Variants in LANCL2 observed in about 807,000 individuals in gnomAD.
LANCL2 encodes LanC like glutathione S-transferase 2, also known as lanC-like protein 2.
LANCL2 carries 33 observed loss-of-function variants against 56.9 expected under a neutral mutation model. That is an observed-to-expected ratio of 0.58 (90% CI 0.44 to 0.78). The LOEUF (loss-of-function observed/expected upper bound fraction) is 0.78, where lower values mean the gene tolerates loss of function less well. Ranked by LOEUF, LANCL2 falls within the 30% of genes least tolerant of loss-of-function variation. LANCL2 has a pLI of 0.00. For missense variants in LANCL2, 562 were observed against 580.2 expected (o/e 0.97, Z 0.32); for synonymous variants, 233 against 228.2 (o/e 1.02, Z -0.19).
At chr7:55,389,914 G>C (rs1016366846) in intron 1 of LANCL2, among the ~76,000 whole-genome samples, 1 of 152,132 alleles carries the variant, frequency 6.6e-6, no homozygotes, top group Non-Finnish European at 1.5e-5. Flanking sequence ...AGTTTTACAA[G>C]TCAGAAATGT....
At chr7:55,368,223 T>C (rs966910728) in intron 1 of LANCL2, among the ~76,000 whole-genome samples, 1 of 152,234 alleles carries the variant, frequency 6.6e-6, no homozygotes, top group African/African-American at 2.4e-5. Context: ...GTTTTGAAAT[T>C]GGGTATTTTT....
At chr7:55,391,752 A>G (rs1790193147) in intron 1 of LANCL2, 41 bp from the exon 2 acceptor site, 1 of 1,070,098 alleles carries the variant, frequency 9.3e-7, no homozygotes, top group Non-Finnish European at 1.5e-6. Flanking sequence ...ACATTGTCCC[A>G]TTCTTGTGAA....
intron 2 of LANCL2, among the ~76,000 whole-genome samples, chr7:55,396,199 A>C (rs533981623): frequency 6.6e-6 from 1 of 151,964 alleles, no homozygotes. Context: ...GGACCCAGTC[A>C]TAGGGGGCTC....
intron 2 of LANCL2, among the ~76,000 whole-genome samples, chr7:55,396,690 A>G (rs1790257401): frequency 6.8e-6 from 1 of 146,318 alleles, no homozygotes; most frequent in South Asian, 2.2e-4. Flanking sequence ...GCCAACAAAA[A>G]ACGACAAAGC....
At chr7:55,390,332 G>GC (rs1562860602) in intron 1 of LANCL2, among the ~76,000 whole-genome samples, 1 of 152,176 alleles carries the variant, frequency 6.6e-6, no homozygotes, top group Non-Finnish European at 1.5e-5. Flanking sequence ...TGGGCCAGGT[G>GC]CAGTGGCTCA....
At chr7:55,367,823 T>C (rs1789892700) in intron 1 of LANCL2, among the ~76,000 whole-genome samples, 1 of 152,250 alleles carries the variant, frequency 6.6e-6, no homozygotes, top group African/African-American at 2.4e-5. Flanking sequence ...AACTGCCTGA[T>C]GTGGTACCTT....
At chr7:55,420,793 A>G (rs1174929748) in intron 6 of LANCL2, among the ~76,000 whole-genome samples, 3 of 152,190 alleles carry the variant, frequency 2.0e-5, no homozygotes, top group African/African-American at 7.2e-5. Flanking sequence ...ACCCTCACAG[A>G]TTTGCCTTAC....
intron 6 of LANCL2, among the ~76,000 whole-genome samples, chr7:55,420,920 C>G (rs114398887): frequency 0.012 from 1,860 of 152,294 alleles, 38 homozygotes; most frequent in African/African-American, 0.043. Flanking sequence ...TTTTGAGGCT[C>G]TGTTCTAATA....
In LANCL2 at chr7:55,398,528, G is replaced by T; in HGVS notation, c.428G>T (p.Arg143Leu). The T allele has an allele frequency of 1.9e-6, 3 of 1,614,096 alleles. No homozygotes were observed. The highest frequency in any genetic ancestry group is 2.5e-6 in the Non-Finnish European group (3 of 1,179,954). ...AGAACACTTCGGAATCTGAATGGCC[G>T]CAGGGTCACCTTCCTCTGTGGGGAT... ...VKRTLRNLNG[R>L]RVTFLCGDAG... The change falls in exon 3 of 9, where the codon CGC becomes CTC. Residue 143 changes from arginine to leucine, a missense_variant. Coordinates refer to ENST00000254770, the MANE Select transcript of LANCL2 (RefSeq NM_018697.4).
intron 1 of LANCL2, among the ~76,000 whole-genome samples, chr7:55,366,518 G>A (rs537276210): frequency 2.0e-5 from 3 of 152,218 alleles, no homozygotes; most frequent in African/African-American, 4.8e-5. Flanking sequence ...CGCAATGCGG[G>A]CTTGTGCACT....
At chr7:55,407,255 G>T (rs1326559231) in intron 5 of LANCL2, among the ~76,000 whole-genome samples, 7 of 152,106 alleles carry the variant, frequency 4.6e-5, no homozygotes. Context: ...AAAAATAGGG[G>T]GCGAGAGTGA....
chr7:55,418,526 G>T (rs181129745), intron 6 of LANCL2, among the ~76,000 whole-genome samples: 2 of 152,142 alleles, frequency 1.3e-5, no homozygotes, highest in Admixed American at 1.3e-4. Context: ...CTAAATTCAC[G>T]TATCAGTTCT....
intron 6 of LANCL2, among the ~76,000 whole-genome samples, chr7:55,419,011 G>C (rs1790576596): frequency 6.6e-6 from 1 of 151,800 alleles, no homozygotes. Flanking sequence ...TATTAATATT[G>C]CTACATTTGG....
chr7:55,427,978 G>A (rs1444383790), intron 7 of LANCL2: 2 of 173,526 alleles, frequency 1.2e-5, no homozygotes, highest in East Asian at 1.5e-4. Flanking sequence ...CCCAGCTGGG[G>A]CCAGGGGAGC....
At chr7:55,386,667 A>G (rs955369522) in intron 1 of LANCL2, among the ~76,000 whole-genome samples, 3 of 152,176 alleles carry the variant, frequency 2.0e-5, no homozygotes, top group African/African-American at 7.2e-5. Context: ...TCCTACCAGC[A>G]TGACTTCTTT....
At chr7:55,415,452 T>A (rs746632739) in intron 6 of LANCL2, among the ~76,000 whole-genome samples, 6 of 152,140 alleles carry the variant, frequency 3.9e-5, no homozygotes, top group Non-Finnish European at 8.8e-5. Context: ...CCGAAGCTTG[T>A]TTGCAAGTTG....
chr7:55,367,031 G>T (rs942946555), intron 1 of LANCL2, among the ~76,000 whole-genome samples: 7 of 152,132 alleles, frequency 4.6e-5, no homozygotes, highest in Non-Finnish European at 8.8e-5. Context: ...GTTTTCTCTT[G>T]TTTCATGAAG....
At chr7:55,428,751 A>C (rs1387895221) in intron 8 of LANCL2, among the ~76,000 whole-genome samples, 1 of 152,220 alleles carries the variant, frequency 6.6e-6, no homozygotes, top group Non-Finnish European at 1.5e-5. Context: ...TTCATCTGTA[A>C]TGTTGCATAT....
intron 7 of LANCL2, among the ~76,000 whole-genome samples, chr7:55,426,288 T>C (rs191981102): frequency 2.0e-5 from 3 of 152,338 alleles, no homozygotes; most frequent in Admixed American, 2.0e-4. Context: ...TCAGTAAACA[T>C]GCACTGGACA....
Sources: gnomAD v4.1 joint callset for allele counts (sites outside exome capture counted in the v4.1 genomes callset) on GRCh38, gnomAD v4.1.1 for gene constraint, MANE v1.5 for transcripts, NCBI Gene and HGNC (gene_info 2026-07-23, HGNC 2026-07-21) for gene names.